Variants in NT5M observed in about 807,000 individuals in gnomAD.
NT5M encodes 5',3'-nucleotidase, mitochondrial.
Under a neutral mutation model 22.2 loss-of-function variants are expected in NT5M, and 22 were observed. That is an observed-to-expected ratio of 0.99 (90% confidence interval 0.71 to 1.41). The LOEUF (loss-of-function observed/expected upper bound fraction) is 1.41, where lower values mean the gene tolerates loss of function less well. NT5M is among the 40% of genes most tolerant of loss of function. The pLI is 0.00. For missense variants in NT5M, 322 were observed against 314.8 expected (o/e 1.02, Z -0.17); for synonymous variants, 167 against 133.0 (o/e 1.26, Z -1.76).
At chr17:17,344,704 C>A in intron 3 of NT5M, 90 bp from the exon 4 acceptor site, 1 of 1,507,658 alleles carries the variant, frequency 6.6e-7, no homozygotes, top group Non-Finnish European at 9.1e-7. Context: ...TAGCTGAGGT[C>A]TAGGCTGACC....
intron 1 of NT5M, among the ~76,000 whole-genome samples, chr17:17,305,549 G>A (rs866624937): frequency 5.9e-5 from 9 of 152,164 alleles, no homozygotes; most frequent in African/African-American, 2.2e-4. Flanking sequence ...GCACGCATTT[G>A]CCTAGTCCCT....
chr17:17,326,800 G>A (rs2049276867), intron 3 of NT5M, among the ~76,000 whole-genome samples: 2 of 152,202 alleles, frequency 1.3e-5, no homozygotes, highest in African/African-American at 2.4e-5. Context: ...CACTCATAGT[G>A]GATGTCCTGA....
At chr17:17,317,599 C>T (rs1472767345) in intron 2 of NT5M, among the ~76,000 whole-genome samples, 2 of 152,142 alleles carry the variant, frequency 1.3e-5, no homozygotes, top group African/African-American at 2.4e-5. Context: ...TCTAAAAAAA[C>T]CACAATTCAC....
intron 1 of NT5M, among the ~76,000 whole-genome samples, chr17:17,304,098 T>C (rs2145303000): frequency 6.6e-6 from 1 of 152,342 alleles, no homozygotes. Context: ...ATTTGTGGCA[T>C]ATTTGGCCTC....
intron 3 of NT5M, among the ~76,000 whole-genome samples, chr17:17,330,401 G>A (rs1369537281): frequency 6.9e-6 from 1 of 145,372 alleles, no homozygotes; most frequent in Non-Finnish European, 1.5e-5. Flanking sequence ...TTTTGACAGA[G>A]TTTTGCTGTT....
intron 3 of NT5M, among the ~76,000 whole-genome samples, chr17:17,323,756 G>A (rs2049206483): frequency 6.6e-6 from 1 of 152,218 alleles, no homozygotes; most frequent in Admixed American, 6.5e-5. Flanking sequence ...GGACGTTGGA[G>A]CAGCTCTTCC....
chr17:17,341,342 A>G (rs2049636874), intron 3 of NT5M, among the ~76,000 whole-genome samples: 1 of 152,164 alleles, frequency 6.6e-6, no homozygotes, highest in Non-Finnish European at 1.5e-5. Context: ...TGATCATACC[A>G]GCAACACTGT....
At chr17:17,313,552 C>G (rs1404430476) in intron 2 of NT5M, among the ~76,000 whole-genome samples, 1 of 152,080 alleles carries the variant, frequency 6.6e-6, no homozygotes. Context: ...AGATGTGGGC[C>G]CAGCAGCAGA....
At chr17:17,337,597 G>T (rs192303499) in intron 3 of NT5M, among the ~76,000 whole-genome samples, 53 of 152,024 alleles carry the variant, frequency 3.5e-4, no homozygotes, top group African/African-American at 1.3e-3. Flanking sequence ...TAGAGACGGG[G>T]TCTTACTATG....
At chr17:17,346,373 G>A (rs2049758733) in intron 4 of NT5M, among the ~76,000 whole-genome samples, 2 of 152,252 alleles carry the variant, frequency 1.3e-5, no homozygotes, top group Non-Finnish European at 2.9e-5. Flanking sequence ...CTGGTGAGCT[G>A]CAGAGCTGGT....
At chr17:17,339,587 A>G (rs2049596247) in intron 3 of NT5M, among the ~76,000 whole-genome samples, 1 of 152,136 alleles carries the variant, frequency 6.6e-6, no homozygotes, top group Non-Finnish European at 1.5e-5. Flanking sequence ...TTCCCCATTC[A>G]GTATGATACT....
chr17:17,323,154 G>T (rs376371687), intron 2 of NT5M, 31 bp from the exon 3 acceptor site: 5 of 1,604,710 alleles, frequency 3.1e-6, no homozygotes, highest in Non-Finnish European at 4.3e-6. Context: ...TCATGGGGCT[G>T]CAGGCTCAAC....
chr17:17,317,831 C>T (rs560635806), intron 2 of NT5M, among the ~76,000 whole-genome samples: 104 of 152,116 alleles, frequency 6.8e-4, no homozygotes, highest in African/African-American at 2.3e-3. Flanking sequence ...GGCATGGTGG[C>T]AGGCACCTGT....
chr17:17,312,740 C>A (rs1401129045), intron 2 of NT5M, among the ~76,000 whole-genome samples: 1 of 151,954 alleles, frequency 6.6e-6, no homozygotes, highest in East Asian at 1.9e-4. Context: ...AGGAGAATCA[C>A]CTGAGCTCAG....
intron 2 of NT5M, among the ~76,000 whole-genome samples, chr17:17,311,108 G>A (rs181070311): frequency 2.2e-3 from 328 of 152,246 alleles, no homozygotes; most frequent in Non-Finnish European, 3.5e-3. Context: ...AGGCCGAGGC[G>A]GGTGGATCAT....
chr17:17,330,071 T>C (rs1421591292), intron 3 of NT5M, among the ~76,000 whole-genome samples: 5 of 151,944 alleles, frequency 3.3e-5, no homozygotes, highest in African/African-American at 1.2e-4. Flanking sequence ...GAGGCCGAGG[T>C]GGGCAGATCA....
At chr17:17,306,968 C>T (rs1437822441) in intron 2 of NT5M, among the ~76,000 whole-genome samples, 3 of 152,074 alleles carry the variant, frequency 2.0e-5, no homozygotes, top group African/African-American at 4.8e-5. Flanking sequence ...GAGGCTGAGG[C>T]GGGCGGATCA....
At chr17:17,312,034 C>T (rs1371545869) in intron 2 of NT5M, among the ~76,000 whole-genome samples, 1 of 152,238 alleles carries the variant, frequency 6.6e-6, no homozygotes, top group Admixed American at 6.5e-5. Context: ...CTCACATCCT[C>T]ACTTCCCCAG....
intron 3 of NT5M, among the ~76,000 whole-genome samples, chr17:17,334,255 C>A (rs2049449896): frequency 6.6e-6 from 1 of 151,956 alleles, no homozygotes; most frequent in Non-Finnish European, 1.5e-5. Flanking sequence ...GCGTGAGCCA[C>A]CATGCCTGGC....
Sources: allele counts gnomAD v4.1 joint callset (sites outside exome capture counted in the v4.1 genomes callset), GRCh38; gene constraint gnomAD v4.1.1; transcripts MANE v1.5; gene names NCBI Gene and HGNC (gene_info 2026-07-23, HGNC 2026-07-21).